The following WDR25 variants were observed in gnomAD, a reference collection of about 807,000 sequenced individuals.
The protein encoded by WDR25 is WD repeat domain 25, also known as WD repeat-containing protein 25.
Under a neutral mutation model 47.7 loss-of-function variants are expected in WDR25, and 35 were observed. The observed-to-expected ratio is 0.73, with a 90% CI of 0.56 to 0.97. The LOEUF (loss-of-function observed/expected upper bound fraction) is 0.97. Among genes scored for constraint, WDR25 ranks in the 50% least tolerant of loss-of-function variants. The probability of loss-of-function intolerance (pLI) is 0.00; values close to 1 mark genes in which losing one functional copy is unlikely to be tolerated. For missense variants in WDR25, 634 were observed against 704.7 expected, an observed-to-expected ratio of 0.90 and a Z score of 1.14; for synonymous variants, 248 against 278.9, an observed-to-expected ratio of 0.89 and a Z score of 1.10.
chr14:100,477,825 C>G (rs1247676268), intron 3 of WDR25, among the ~76,000 whole-genome samples: 1 of 152,200 alleles, frequency 6.6e-6, no homozygotes, highest in Non-Finnish European at 1.5e-5. Context: ...GGCGCCGTGG[C>G]TCACGCCTGA....
Position 100,523,742 on chromosome 14 carries a change from G to C in WDR25, c.1102-2128G>C, listed in dbSNP as rs1416288001. Reference sequence around the variant, plus strand: ...GGGACATAACCCCTGCATGTGTCATGATCGATCTTCTGCTTTCCCCAAGAC... The same window carrying C: ...GGGACATAACCCCTGCATGTGTCATCATCGATCTTCTGCTTTCCCCAAGAC... On this transcript the variant is annotated intron_variant, in intron 4 of 6. Coordinates refer to ENST00000402312, the MANE Select transcript of WDR25 (RefSeq NM_001161476.3). This position sits in a 1 kb window ranked among gnomAD's most constrained non-coding sequence, Gnocchi z 4.7. 6.6e-6 allele frequency among the ~76,000 whole-genome samples: 1 copy of C among 152,124 alleles called. No homozygotes were observed. The highest frequency in any genetic ancestry group is 2.4e-5 in the African/African-American group (1 of 41,420).
rs1900798621 is a variant in WDR25, at chr14:100,498,238, C to T, written c.1101+14114C>T. 6.6e-6 allele frequency among the ~76,000 whole-genome samples: 1 copy of T among 152,150 alleles called. No individual in the cohort carries two copies. On this transcript the variant is annotated intron_variant, in intron 4 of 6. Transcript: ENST00000402312. The surrounding 1 kb of genome is among the most constrained non-coding windows in gnomAD (Gnocchi z 4.2). ...ACCCCTGAGGGAAGACTGCTTGGTG[C>T]TTCTCTGCAAATCTGGCGCGGAGGC...
intron 4 of WDR25, among the ~76,000 whole-genome samples, chr14:100,521,521 C>T (rs1566947503): frequency 6.6e-6 from 1 of 152,178 alleles, no homozygotes; most frequent in Non-Finnish European, 1.5e-5. Context: ...ACAGTTTTTT[C>T]TCCCACTTTG....
In WDR25 at chr14:100,390,478, G is replaced by A. The variant is rs79014019; in HGVS notation, c.822+8732G>A. Among the ~76,000 whole-genome samples, 1,190 of 152,044 alleles carry A rather than the reference G, an allele frequency of 7.8e-3. 25 individuals carry two copies. The highest frequency in any genetic ancestry group is 0.027 in the African/African-American group (1,129 of 41,468). Reference sequence around the variant, plus strand: ...AAAGGGACTTTGTTTGCAGCGGGCCGGATGTAGGGTTATGAGGCAGCAGGC... The same window carrying A: ...AAAGGGACTTTGTTTGCAGCGGGCCAGATGTAGGGTTATGAGGCAGCAGGC... On this transcript the variant is annotated intron_variant, in intron 2 of 6. Transcript: ENST00000402312.
chr14:100,460,392 G>A (rs1899369918), intron 2 of WDR25, among the ~76,000 whole-genome samples: 1 of 152,106 alleles, frequency 6.6e-6, no homozygotes, highest in African/African-American at 2.4e-5. Flanking sequence ...GATTACAGGT[G>A]TGAGCCACCG....
At chr14:100,518,878 A>T (rs1901600224) in intron 4 of WDR25, among the ~76,000 whole-genome samples, 2 of 151,482 alleles carry the variant, frequency 1.3e-5, no homozygotes, top group African/African-American at 4.9e-5. Context: ...TGGGGGACAG[A>T]GCGAGACTTC....
rs1900948615 is a variant in WDR25 at position 100,502,243 on chromosome 14, C to T, written c.1101+18119C>T. On this transcript the variant is annotated intron_variant, in intron 4 of 6. Transcript: ENST00000402312. This position sits in a 1 kb window ranked among gnomAD's most constrained non-coding sequence, Gnocchi z 4.5. ...CACTCAGCTCTGAGCCTGATGTCAT[C>T]CACCTCTGTACATTGTCCGAGGGAC... Among the ~76,000 whole-genome samples, 1 of 152,314 alleles carries T rather than the reference C, an allele frequency of 6.6e-6. No homozygotes were observed. The highest frequency in any genetic ancestry group is 1.5e-5 in the Non-Finnish European group (1 of 68,018).
rs1397841732 is a variant in WDR25 at position 100,425,501 on chromosome 14, T to C, written c.823-42520T>C. 1.3e-5 allele frequency among the ~76,000 whole-genome samples: 2 copies of C among 152,124 alleles called. No homozygotes were observed. Among genetic ancestry groups the C allele is most frequent in the Non-Finnish European group, 2.9e-5 (2 of 68,008 alleles). The stretch of plus-strand genomic sequence containing the variant: ...CCTTCCCCTAGACTGTGAAATATGT[T>C]TGATGGGGAAAGATACCCGGGACAG... On this transcript the variant is annotated intron_variant, in intron 2 of 6. Coordinates refer to ENST00000402312, the MANE Select transcript of WDR25 (RefSeq NM_001161476.3). The surrounding 1 kb of genome is among the most constrained non-coding windows in gnomAD (Gnocchi z 4.8).
rs1050931151 is a variant in WDR25, at chr14:100,449,473, C to T, written c.823-18548C>T. On this transcript the variant is annotated intron_variant, in intron 2 of 6. Transcript: ENST00000402312. The surrounding 1 kb of genome is among the most constrained non-coding windows in gnomAD (Gnocchi z 4.2). Reference sequence around the variant, plus strand: ...TATTCCGGGGCCCTGCCCTGGCTGGCTGTTGCATTGGGGTGGGAGAGGCTG... The same window carrying T: ...TATTCCGGGGCCCTGCCCTGGCTGGTTGTTGCATTGGGGTGGGAGAGGCTG... Among the ~76,000 whole-genome samples, 4 of 152,222 alleles carry T rather than the reference C, an allele frequency of 2.6e-5. No homozygotes were observed. The highest frequency in any genetic ancestry group is 9.6e-5 in the African/African-American group (4 of 41,466).
chr14:100,467,312 G>A (rs143317122), intron 2 of WDR25, among the ~76,000 whole-genome samples: 1,971 of 151,876 alleles, frequency 0.013, 14 homozygotes, highest in Non-Finnish European at 0.02. Context: ...TAAGATGCCA[G>A]GGATGCAGGC....
intron 2 of WDR25, among the ~76,000 whole-genome samples, chr14:100,390,511 C>T (rs1897121140): frequency 6.6e-6 from 1 of 152,084 alleles, no homozygotes; most frequent in Non-Finnish European, 1.5e-5. Context: ...GGCTGGCGCT[C>T]ATCATAGGAA....
chr14:100,516,925 T>C (rs1901516645), intron 4 of WDR25, among the ~76,000 whole-genome samples: 1 of 151,256 alleles, frequency 6.6e-6, no homozygotes, highest in Admixed American at 6.6e-5. Flanking sequence ...TTATTATTTG[T>C]CTCTGTTTTT....
At position 100,500,386 on chromosome 14, in the gene WDR25, A is replaced by G. The variant is rs1416207082; in HGVS notation, c.1101+16262A>G. Among the ~76,000 whole-genome samples the G allele has an allele frequency of 6.6e-6, 1 of 151,940 alleles. No individual in the cohort carries two copies. Among genetic ancestry groups the G allele is most frequent in the East Asian group, 1.9e-4 (1 of 5,176 alleles). ...TCTTCCAGGGACCCGAGGAGGGTGA[A>G]GTGGCTCTGGCTGTGGAGGGTGGAG... On this transcript the variant is annotated intron_variant, in intron 4 of 6. Transcript: ENST00000402312. The surrounding 1 kb of genome is among the most constrained non-coding windows in gnomAD (Gnocchi z 4.7).
intron 2 of WDR25, among the ~76,000 whole-genome samples, chr14:100,460,991 T>C (rs1260702215): frequency 6.6e-6 from 1 of 152,040 alleles, no homozygotes; most frequent in Non-Finnish European, 1.5e-5. Context: ...AGCTGGAGGA[T>C]CATTTGAGGC....
rs1190138046 is a variant in WDR25 at position 100,407,757 on chromosome 14, T to C, written c.822+26011T>C. 1 of 152,196 alleles carries C rather than the reference T, an allele frequency of 6.6e-6. No individual in the cohort carries two copies. The highest frequency in any genetic ancestry group is 1.5e-5 in the Non-Finnish European group (1 of 68,052). 9.4% of individuals were successfully genotyped at this position (152,196 alleles called of 1,614,324 possible). ...GCCTAAACAGGCCCTGACACCCAGT[T>C]TGGCTAGGTTGAGTCTGGGTGCCAG... On this transcript the variant is annotated intron_variant, in intron 2 of 6. Coordinates refer to ENST00000402312, the MANE Select transcript of WDR25 (RefSeq NM_001161476.3). This position sits in a 1 kb window ranked among gnomAD's most constrained non-coding sequence, Gnocchi z 4.1.
chr14:100,419,604 C>A (rs1897971406), intron 2 of WDR25, among the ~76,000 whole-genome samples: 1 of 152,160 alleles, frequency 6.6e-6, no homozygotes, highest in South Asian at 2.1e-4. Flanking sequence ...CTGGTGTTTT[C>A]ATTTAGAAAG....
chr14:100,465,045 T>C (rs978738452), intron 2 of WDR25, among the ~76,000 whole-genome samples: 4 of 152,008 alleles, frequency 2.6e-5, no homozygotes, highest in African/African-American at 9.7e-5. Flanking sequence ...TTAGTGTTCA[T>C]AGCTTTTCCC....
At chr14:100,457,685 T>C (rs1899249492) in intron 2 of WDR25, among the ~76,000 whole-genome samples, 1 of 152,214 alleles carries the variant, frequency 6.6e-6, no homozygotes, top group Non-Finnish European at 1.5e-5. Context: ...TTTGTTCTTA[T>C]TTAAAAATCA....
chr14:100,522,869 G>A (rs2029926744), intron 4 of WDR25, among the ~76,000 whole-genome samples: 1 of 152,180 alleles, frequency 6.6e-6, no homozygotes, highest in South Asian at 2.1e-4. Flanking sequence ...CCACCTCTGG[G>A]CTCTTGTGAG....
Sources: gnomAD v4.1 joint callset for allele counts (sites outside exome capture counted in the v4.1 genomes callset) on GRCh38, gnomAD v4.1.1 for gene constraint, Gnocchi (gnomAD v3.1) non-coding constraint, MANE v1.5 for transcripts, NCBI Gene and HGNC (gene_info 2026-07-23, HGNC 2026-07-21) for gene names.